The following ADGRV1 variants were observed in gnomAD, a reference collection of about 807,000 sequenced individuals.
ADGRV1 encodes adhesion G protein-coupled receptor V1.
Under a neutral mutation model 596.2 loss-of-function variants are expected in ADGRV1, and 359 were observed. That is an observed-to-expected ratio of 0.60 (90% CI 0.55 to 0.66). The LOEUF (loss-of-function observed/expected upper bound fraction) is 0.66, where lower values mean the gene tolerates loss of function less well. Ranked by LOEUF, ADGRV1 falls within the 30% of genes least tolerant of loss-of-function variation. ADGRV1 has a pLI of 0.00. For missense variants in ADGRV1, 7,274 were observed against 7,575.6 expected, an observed-to-expected ratio of 0.96 and a Z score of 1.48; for synonymous variants, 2,681 against 2,679.2, an observed-to-expected ratio of 1.00 and a Z score of -0.02.
chr5:91,097,542 A>C (rs1790980352), intron 86 of ADGRV1, among the ~76,000 whole-genome samples: 1 of 152,228 alleles, frequency 6.6e-6, no homozygotes, highest in African/African-American at 2.4e-5. Flanking sequence ...ATTGGTGTGC[A>C]AATATCCATT....
chr5:90,752,639 C>G (rs1377565588), intron 53 of ADGRV1, among the ~76,000 whole-genome samples: 1 of 152,144 alleles, frequency 6.6e-6, no homozygotes, highest in Non-Finnish European at 1.5e-5. Context: ...TCTCATTTTT[C>G]TTTTATGGCT....
intron 85 of ADGRV1, among the ~76,000 whole-genome samples, chr5:91,012,334 C>T (rs1239935743): frequency 6.6e-6 from 1 of 151,934 alleles, no homozygotes; most frequent in African/African-American, 2.4e-5. Context: ...GCTTTCCTTT[C>T]TCCGCCCATT....
chr5:91,007,191 G>A (rs969769530), intron 85 of ADGRV1, among the ~76,000 whole-genome samples: 5 of 152,174 alleles, frequency 3.3e-5, no homozygotes, highest in African/African-American at 9.7e-5. Flanking sequence ...TATTGCTGGG[G>A]CCACTCCTGA....
chr5:90,852,093 C>T (rs752780919), intron 79 of ADGRV1, among the ~76,000 whole-genome samples: 24 of 152,108 alleles, frequency 1.6e-4, no homozygotes, highest in Non-Finnish European at 2.9e-4. Flanking sequence ...GAGGTCCACA[C>T]AAATTGAGGT....
intron 63 of ADGRV1, 66 bp from the exon 64 acceptor site, chr5:90,778,799 A>T: frequency 7.7e-7 from 1 of 1,290,696 alleles, no homozygotes; most frequent in Non-Finnish European, 1.1e-6. Flanking sequence ...TAGAACGTTT[A>T]GTTACAGACA....
Position 91,147,675 on chromosome 5 carries a change from C to T in ADGRV1, c.18433-2355C>T, listed in dbSNP as rs181784210. On this transcript the variant is annotated intron_variant, in intron 87 of 89. Coordinates refer to ENST00000405460, the MANE Select transcript of ADGRV1 (RefSeq NM_032119.4). ...TTAAACCTCTTTTCTTTATAAATTA[C>T]CCAGTCTCGGGTATTTCTTTATAGC... 8.5e-4 allele frequency among the ~76,000 whole-genome samples: 129 copies of T among 152,252 alleles called. 2 individuals are homozygous for T. In the East Asian group the frequency reaches 0.022, roughly 26 times the overall value.
chr5:90,970,976 C>A (rs1380597851), intron 84 of ADGRV1, among the ~76,000 whole-genome samples: 1 of 152,272 alleles, frequency 6.6e-6, no homozygotes, highest in South Asian at 2.1e-4. Context: ...TGACAAATGG[C>A]TAGCTACAAT....
In ADGRV1 at chr5:90,691,046, G is replaced by A; in HGVS notation, c.6951+5G>A. On this transcript the variant is annotated splice_donor_5th_base_variant and intron_variant, in intron 31 of 89. Coordinates refer to ENST00000405460, the MANE Select transcript of ADGRV1 (RefSeq NM_032119.4). ...GACGTTCCGGAGATTGAAGAGGTGA[G>A]AGGACTGGCTAGTATAGAATGACAC... 2 of 1,613,604 alleles carry A rather than the reference G, an allele frequency of 1.2e-6. No homozygotes were observed. Among genetic ancestry groups the A allele is most frequent in the Non-Finnish European group, 1.7e-6 (2 of 1,179,648 alleles).
intron 21 of ADGRV1, among the ~76,000 whole-genome samples, chr5:90,671,471 AC>A (rs1772456560): frequency 6.6e-6 from 1 of 152,310 alleles, no homozygotes; most frequent in Non-Finnish European, 1.5e-5. Flanking sequence ...GATCCTCTTT[AC>A]CATGAGAACA....
chr5:91,126,727 T>C (rs997251407), intron 87 of ADGRV1, among the ~76,000 whole-genome samples: 2 of 152,220 alleles, frequency 1.3e-5, no homozygotes, highest in Admixed American at 1.3e-4. Flanking sequence ...GGTTCCAAGT[T>C]ATGACTTAAT....
intron 83 of ADGRV1, among the ~76,000 whole-genome samples, chr5:90,936,879 T>C (rs1775737345): frequency 1.3e-5 from 2 of 152,144 alleles, no homozygotes; most frequent in African/African-American, 4.8e-5. Flanking sequence ...GGATAAAAAA[T>C]GTAATATGTC....
intron 89 of ADGRV1, among the ~76,000 whole-genome samples, chr5:91,156,062 T>G (rs547285809): frequency 1.6e-4 from 25 of 152,338 alleles, no homozygotes; most frequent in African/African-American, 5.1e-4. Context: ...TGTTTGTTTA[T>G]TTGTTTGCAG....
chr5:91,111,877 A>G (rs1265232672), intron 87 of ADGRV1, among the ~76,000 whole-genome samples: 1 of 152,210 alleles, frequency 6.6e-6, no homozygotes, highest in Non-Finnish European at 1.5e-5. Flanking sequence ...TGAATGCCTC[A>G]TGCACCTTTC....
chr5:90,978,137 C>T (rs899490295), intron 84 of ADGRV1, among the ~76,000 whole-genome samples: 4 of 151,668 alleles, frequency 2.6e-5, no homozygotes, highest in Non-Finnish European at 4.4e-5. Context: ...TCTACTAAAA[C>T]ACAAAAAATT....
At chr5:90,918,497 T>A (rs143465943) in intron 83 of ADGRV1, among the ~76,000 whole-genome samples, 8 of 152,200 alleles carry the variant, frequency 5.3e-5, no homozygotes, top group African/African-American at 1.7e-4. Flanking sequence ...TAGCAAAGAT[T>A]AGTGGAACAA....
chr5:90,779,895 A>C (rs1411354711), intron 64 of ADGRV1: 1 of 152,140 alleles, frequency 6.6e-6, no homozygotes, highest in Non-Finnish European at 1.5e-5. Flanking sequence ...TGCTTTAAAA[A>C]CTTTTTAAAC....
intron 83 of ADGRV1, among the ~76,000 whole-genome samples, chr5:90,927,477 C>G (rs556180886): frequency 6.6e-6 from 1 of 151,922 alleles, no homozygotes; most frequent in Non-Finnish European, 1.5e-5. Context: ...TTTTGTTGTC[C>G]ATTTGCTTAG....
At position 91,054,102 on chromosome 5, in the gene ADGRV1, TGAGAGAGAGA is replaced by T. The variant is rs3079380; in HGVS notation, c.18153-18322_18153-18313del. 3.9e-3 allele frequency among the ~76,000 whole-genome samples: 498 copies of T among 126,732 alleles called. 4 individuals are homozygous for T. The highest frequency in any genetic ancestry group is 0.015 in the African/African-American group (475 of 31,752). 83.1% of individuals were successfully genotyped at this position (126,732 alleles called of 152,430 possible). On this transcript the variant is annotated intron_variant, in intron 85 of 89. Coordinates refer to ENST00000405460, the MANE Select transcript of ADGRV1 (RefSeq NM_032119.4). ...GTGTGTGTGTGTGTGTGTGTGTGTG[TGAGAGAGAGA>T]GAGAGAGAGAGAGAGAGAGAGACAA...
rs186445290 is a variant in ADGRV1 at position 90,942,133 on chromosome 5, C to T, written c.17857-23282C>T. On this transcript the variant is annotated intron_variant, in intron 83 of 89. Coordinates refer to ENST00000405460, the MANE Select transcript of ADGRV1 (RefSeq NM_032119.4). ...TTCTTAGTTGTCGACTCATTGACAC[C>T]GTACATTGGCCAAATATTTTATGAA... Among the ~76,000 whole-genome samples the T allele has an allele frequency of 4.6e-4, 70 of 152,246 alleles. 1 individual carries two copies. Among genetic ancestry groups the T allele is most frequent in the African/African-American group, 1.5e-3 (64 of 41,550 alleles).
Sources: allele counts gnomAD v4.1 joint callset (sites outside exome capture counted in the v4.1 genomes callset), GRCh38; gene constraint gnomAD v4.1.1; transcripts MANE v1.5; gene names NCBI Gene and HGNC (gene_info 2026-07-23, HGNC 2026-07-21).